ANOS1: variants seen among roughly 807,000 people sequenced by gnomAD.
ANOS1 encodes the protein anosmin-1.
Under a neutral mutation model 59.0 loss-of-function variants are expected in ANOS1, and 6 were observed. The ratio of observed to expected loss-of-function variants is 0.10; its 90% CI spans 0.06 to 0.20. ANOS1 has a LOEUF of 0.20. Among genes scored for constraint, ANOS1 ranks in the 10% least tolerant of loss-of-function variants. The pLI, the probability that ANOS1 is intolerant of heterozygous loss-of-function variation, is 1.00. For missense variants in ANOS1, 433 were observed against 542.3 expected (o/e 0.80, Z 2.00); for synonymous variants, 217 against 223.4 (o/e 0.97, Z 0.25).
intron 2 of ANOS1, among the ~76,000 whole-genome samples, chrX:8,694,783 T>G (rs1013912336): frequency 1.3e-4 from 15 of 112,656 alleles, no homozygotes; most frequent in African/African-American, 4.8e-4. Context: ...TATAGTAATA[T>G]TTCATTCCAA....
At chrX:8,603,491 G>A (rs189856492) in intron 3 of ANOS1, among the ~76,000 whole-genome samples, 1 of 112,027 alleles carries the variant, frequency 8.9e-6, no homozygotes, top group Admixed American at 9.5e-5. Flanking sequence ...CCTGTGGCAA[G>A]TAGCTAAAAA....
chrX:8,537,495 A>G (rs1239237037), intron 10 of ANOS1, among the ~76,000 whole-genome samples: 1 of 112,122 alleles, frequency 8.9e-6, no homozygotes, highest in Middle Eastern at 4.2e-3. Flanking sequence ...ACTTTATGAT[A>G]ATGTCAAAAG....
intron 2 of ANOS1, among the ~76,000 whole-genome samples, chrX:8,660,626 T>TG (rs1411977064): frequency 1.8e-5 from 2 of 110,516 alleles, no homozygotes; most frequent in East Asian, 5.7e-4. Context: ...AAAAAGAAAA[T>TG]TTTTAAAAAA....
intron 1 of ANOS1, among the ~76,000 whole-genome samples, chrX:8,719,917 C>T (rs1287485395): frequency 9.0e-6 from 1 of 111,074 alleles, no homozygotes; most frequent in African/African-American, 3.3e-5. Context: ...TCTTTTCAAG[C>T]CTTTTGATGG....
intron 2 of ANOS1, among the ~76,000 whole-genome samples, chrX:8,644,771 T>C (rs1004989017): frequency 8.9e-6 from 1 of 112,465 alleles, no homozygotes; most frequent in Non-Finnish European, 1.9e-5. Flanking sequence ...ACTTCAACAT[T>C]TCAGGCAGAG....
chrX:8,629,351 T>C (rs186913264), intron 2 of ANOS1, among the ~76,000 whole-genome samples: 117 of 112,048 alleles, frequency 1.0e-3, no homozygotes, highest in African/African-American at 3.4e-3. Flanking sequence ...CTGGGAGAGA[T>C]TGGGGCAATT....
At chrX:8,726,799 CAA>C (rs1224638009) in intron 1 of ANOS1, among the ~76,000 whole-genome samples, 1 of 112,148 alleles carries the variant, frequency 8.9e-6, no homozygotes, top group Non-Finnish European at 1.9e-5. Context: ...TCAAATGCAT[CAA>C]GAGTCACCTA....
chrX:8,711,791 G>C (rs1224489557), intron 1 of ANOS1, among the ~76,000 whole-genome samples: 1 of 112,734 alleles, frequency 8.9e-6, no homozygotes, highest in East Asian at 2.8e-4. Context: ...ATGGTTTCCA[G>C]TGCCTTATAA....
chrX:8,679,545 C>CA (rs201433193), intron 2 of ANOS1, among the ~76,000 whole-genome samples: 1,874 of 89,633 alleles, frequency 0.021, 40 homozygotes, highest in African/African-American at 0.071. Flanking sequence ...GGATTTCTTG[C>CA]AAAAAAAAAA....
At chrX:8,696,470 C>T (rs745855894) in intron 2 of ANOS1, among the ~76,000 whole-genome samples, 2 of 112,121 alleles carry the variant, frequency 1.8e-5, no homozygotes, top group Non-Finnish European at 3.8e-5. Context: ...AGGCAAAGAG[C>T]AATCTCTCTC....
chrX:8,579,104 T>G (rs1218714870), intron 6 of ANOS1, among the ~76,000 whole-genome samples: 1 of 112,780 alleles, frequency 8.9e-6, no homozygotes, highest in African/African-American at 3.2e-5. Context: ...TTTGTAAAAA[T>G]ACGAATGTTT....
rs756435053 is a variant in ANOS1 at position 8,586,212 on chromosome X, A to G, written c.727-816T>C. On this transcript the variant is annotated intron_variant, in intron 5 of 13. Coordinates refer to ENST00000262648, the MANE Select transcript of ANOS1 (RefSeq NM_000216.4). ...CAACTTGGATCTGTGGATGAAACTA[A>G]GGAAACAGGATTGGATTTGAACACT... Among the ~76,000 whole-genome samples the G allele has an allele frequency of 7.1e-5, 8 of 112,147 alleles. No individual in the cohort carries two copies. In the South Asian group the frequency reaches 3.0e-3, roughly 42 times the overall value.
chrX:8,681,307 A>C (rs774872143), intron 2 of ANOS1, among the ~76,000 whole-genome samples: 1 of 112,369 alleles, frequency 8.9e-6, no homozygotes. Context: ...GAACCCTGCA[A>C]GGGTAAAAGG....
intron 4 of ANOS1, among the ~76,000 whole-genome samples, chrX:8,596,054 G>A (rs898535914): frequency 1.8e-5 from 2 of 111,409 alleles, no homozygotes; most frequent in African/African-American, 6.5e-5. Context: ...CCCCAGATGG[G>A]ACCATCCAGT....
intron 10 of ANOS1, among the ~76,000 whole-genome samples, chrX:8,538,942 CTA>C (rs1308963217): frequency 2.7e-5 from 3 of 111,856 alleles, no homozygotes; most frequent in Non-Finnish European, 5.6e-5. Flanking sequence ...CCAAAACATT[CTA>C]TGTTTGGGGC....
intron 3 of ANOS1, among the ~76,000 whole-genome samples, chrX:8,610,683 C>CAG (rs745936696): frequency 1.1e-3 from 120 of 111,662 alleles, no homozygotes; most frequent in Middle Eastern, 4.6e-3. Flanking sequence ...AGTCAGAGTG[C>CAG]AGAGAATGCA....
At chrX:8,663,969 T>C (rs1932084875) in intron 2 of ANOS1, among the ~76,000 whole-genome samples, 1 of 110,998 alleles carries the variant, frequency 9.0e-6, no homozygotes, top group East Asian at 2.9e-4. Context: ...AAACCCTGCA[T>C]GTTCTCACTT....
intron 1 of ANOS1, among the ~76,000 whole-genome samples, chrX:8,707,978 C>A (rs983386556): frequency 8.9e-6 from 1 of 112,603 alleles, no homozygotes; most frequent in Non-Finnish European, 1.9e-5. Flanking sequence ...GTAATCCCAG[C>A]ACTTTGGGAG....
At chrX:8,626,435 T>C (rs1931394882) in intron 2 of ANOS1, among the ~76,000 whole-genome samples, 1 of 111,936 alleles carries the variant, frequency 8.9e-6, no homozygotes, top group South Asian at 3.7e-4. Context: ...ATAATTCTTT[T>C]CTAAGACATA....
Sources: allele counts gnomAD v4.1 joint callset (sites outside exome capture counted in the v4.1 genomes callset), GRCh38; gene constraint gnomAD v4.1.1; transcripts MANE v1.5; gene names NCBI Gene and HGNC (gene_info 2026-07-23, HGNC 2026-07-21).